ZSCAN21: variants seen among roughly 807,000 people sequenced by gnomAD.
ZSCAN21 encodes zinc finger and SCAN domain containing 21.
ZSCAN21 carries 26 observed loss-of-function variants against 35.6 expected under a neutral mutation model. The ratio of observed to expected loss-of-function variants is 0.73; its 90% CI spans 0.54 to 1.01. The LOEUF is 1.01. Among genes scored for constraint, ZSCAN21 ranks in the 50% least tolerant of loss-of-function variants. ZSCAN21 has a pLI of 0.00. For missense variants in ZSCAN21, 593 were observed against 587.1 expected, an observed-to-expected ratio of 1.01 and a Z score of -0.10; for synonymous variants, 219 against 219.3, an observed-to-expected ratio of 1.00 and a Z score of 0.01.
chr7:100,056,236 T>G (rs1473659374), intron 1 of ZSCAN21, among the ~76,000 whole-genome samples: 1 of 151,962 alleles, frequency 6.6e-6, no homozygotes, highest in Non-Finnish European at 1.5e-5. Flanking sequence ...CCACCATGCC[T>G]GGCCTTGACT....
At chr7:100,063,669 T>G in intron 3 of ZSCAN21, 119 bp from the exon 4 acceptor site, 1 of 881,494 alleles carries the variant, frequency 1.1e-6, no homozygotes, top group Non-Finnish European at 1.7e-6. Flanking sequence ...TATCATGAGC[T>G]CTGTTTAGTC....
chr7:100,057,363 C>T lies in ZSCAN21; in HGVS notation c.357C>T (p.Leu119=), dbSNP rs140034519. ...CPESAEEAVT[L]LEDLERELDE... ...AGAGCGCTGAAGAGGCTGTCACTCT[C>T]CTCGAAGATCTGGAGCGGGAACTGG... Residue 119 remains leucine, a synonymous_variant, in exon 2 of 4, where the codon CTC becomes CTT. Coordinates refer to ENST00000292450, the MANE Select transcript of ZSCAN21 (RefSeq NM_145914.3). The T allele has an allele frequency of 1.0e-5, 16 of 1,577,776 alleles. No individual in the cohort carries two copies. The African/African-American group carries it at 2.0e-4, about 20-fold the overall frequency.
intron 3 of ZSCAN21, among the ~76,000 whole-genome samples, chr7:100,062,736 G>A (rs1792382838): frequency 6.6e-6 from 1 of 151,866 alleles, no homozygotes; most frequent in African/African-American, 2.4e-5. Flanking sequence ...TTAGCTGGGC[G>A]TGGTGCCAGG....
intron 3 of ZSCAN21, among the ~76,000 whole-genome samples, chr7:100,059,622 G>A (rs931937419): frequency 6.7e-6 from 1 of 149,826 alleles, no homozygotes; most frequent in Non-Finnish European, 1.5e-5. Flanking sequence ...ATGCAATCTC[G>A]GCTCAGTGCA....
Position 100,064,574 on chromosome 7 carries a change from C to A in ZSCAN21, c.1379C>A (p.Ser460Tyr). Residue 460 changes from serine to tyrosine, a missense_variant, in exon 4 of 4, where the codon TCC becomes TAC. Physicochemically the swap from Ser to Tyr is moderately radical, Grantham distance 144. Coordinates refer to ENST00000292450, the MANE Select transcript of ZSCAN21 (RefSeq NM_145914.3). The stretch of plus-strand genomic sequence containing the variant: ...ACCTTCTGTAGCAAGTCCAATCTTT[C>A]CAAACATCAGCGAGTCCACACTGGA... The part of the protein sequence containing the change: ...GKTFCSKSNL[S>Y]KHQRVHTGEG... 1 of 1,614,224 alleles carries A rather than the reference C, an allele frequency of 6.2e-7. No homozygotes were observed. The highest frequency in any genetic ancestry group is 2.2e-5 in the East Asian group (1 of 44,894).
intron 3 of ZSCAN21, among the ~76,000 whole-genome samples, chr7:100,060,858 CAAAAAA>C (rs372983638): frequency 8.1e-5 from 6 of 74,456 alleles, no homozygotes; most frequent in Non-Finnish European, 1.3e-4. Flanking sequence ...AGGACTCCGT[CAAAAAA>C]AAAAAAAAAA....
At chr7:100,054,172 A>G (rs1479717272) in intron 1 of ZSCAN21, among the ~76,000 whole-genome samples, 10 of 151,996 alleles carry the variant, frequency 6.6e-5, no homozygotes. Flanking sequence ...CTCCTGTGGT[A>G]TGTACTGAGT....
intron 3 of ZSCAN21, among the ~76,000 whole-genome samples, chr7:100,062,821 C>A (rs1192513647): frequency 6.6e-6 from 1 of 152,096 alleles, no homozygotes; most frequent in Non-Finnish European, 1.5e-5. Context: ...CTGCGGTGAG[C>A]CAAGATGATA....
chr7:100,054,457 T>C (rs1230680481), intron 1 of ZSCAN21, among the ~76,000 whole-genome samples: 290 of 151,296 alleles, frequency 1.9e-3, no homozygotes, highest in Admixed American at 3.6e-3. Context: ...GCCATGTTGG[T>C]CAGGTTGGTC....
intron 3 of ZSCAN21, among the ~76,000 whole-genome samples, chr7:100,058,525 A>G (rs900147905): frequency 1.1e-4 from 17 of 152,254 alleles, no homozygotes; most frequent in Non-Finnish European, 2.2e-4. Flanking sequence ...AGGGCGGGTC[A>G]GAGAATGGAT....
At chr7:100,054,014 T>C (rs1791985810) in intron 1 of ZSCAN21, among the ~76,000 whole-genome samples, 1 of 151,796 alleles carries the variant, frequency 6.6e-6, no homozygotes, top group Non-Finnish European at 1.5e-5. Context: ...GGCCAGTCGT[T>C]TTAAATATTC....
chr7:100,062,345 C>A (rs1315986853), intron 3 of ZSCAN21, among the ~76,000 whole-genome samples: 7 of 145,638 alleles, frequency 4.8e-5, no homozygotes, highest in Non-Finnish European at 1.5e-5. Context: ...AATCCCAGCA[C>A]TTCGGGAGGC....
intron 1 of ZSCAN21, among the ~76,000 whole-genome samples, chr7:100,054,838 C>CA (rs375324113): frequency 0.38 from 23,633 of 62,514 alleles, 4,099 homozygotes; most frequent in Middle Eastern, 0.49. Flanking sequence ...GACGCTGTCT[C>CA]AAAAAAAAAA....
chr7:100,061,647 AGCT>A (rs1219183748), intron 3 of ZSCAN21, among the ~76,000 whole-genome samples: 1 of 152,234 alleles, frequency 6.6e-6, no homozygotes, highest in Admixed American at 6.5e-5. Flanking sequence ...GAAGGACTTC[AGCT>A]GCTGAAGCTC....
intron 1 of ZSCAN21, among the ~76,000 whole-genome samples, chr7:100,050,344 A>G (rs1279277752): frequency 6.6e-6 from 1 of 152,172 alleles, no homozygotes; most frequent in Non-Finnish European, 1.5e-5. Flanking sequence ...CACACACAGA[A>G]TAGGGATCTG....
rs753199436 is a variant in ZSCAN21 at position 100,057,099 on chromosome 7, A to G, written c.93A>G (p.Lys31=). ...CTCTGATGGTAAAAGTCGAGGAGAAAGAAGAGAAAGGCAAGTACCTTCCTA... is the reference window on the plus strand; with the variant it reads ...CTCTGATGGTAAAAGTCGAGGAGAAGGAAGAGAAAGGCAAGTACCTTCCTA... ...VGPLMVKVEE[K]EEKGKYLPSL... is the part of the protein sequence containing the mutation. Residue 31 remains lysine, a synonymous_variant, in exon 2 of 4, where the codon AAA becomes AAG. Transcript: ENST00000292450. 3 of 1,614,140 alleles carry G rather than the reference A, an allele frequency of 1.9e-6. No individual in the cohort carries two copies. The highest frequency in any genetic ancestry group is 1.7e-4 in the Middle Eastern group (1 of 6,050).
chr7:100,055,241 C>A (rs1276202784), intron 1 of ZSCAN21, among the ~76,000 whole-genome samples: 1 of 150,590 alleles, frequency 6.6e-6, no homozygotes, highest in Non-Finnish European at 1.5e-5. Context: ...CAGATGTGAG[C>A]CACTGCACCT....
At chr7:100,061,880 C>T (rs981531096) in intron 3 of ZSCAN21, among the ~76,000 whole-genome samples, 1 of 152,236 alleles carries the variant, frequency 6.6e-6, no homozygotes, top group Non-Finnish European at 1.5e-5. Flanking sequence ...GCGAATTTCT[C>T]TTACTCCCCT....
chr7:100,061,595 A>C (rs1562848620), intron 3 of ZSCAN21, among the ~76,000 whole-genome samples: 2 of 152,174 alleles, frequency 1.3e-5, no homozygotes, highest in Non-Finnish European at 2.9e-5. Flanking sequence ...ACTCGAAGAG[A>C]AGTCTGTGTG....
Sources: gnomAD v4.1 joint callset for allele counts (sites outside exome capture counted in the v4.1 genomes callset) on GRCh38, gnomAD v4.1.1 for gene constraint, MANE v1.5 for transcripts, NCBI Gene and HGNC (gene_info 2026-07-23, HGNC 2026-07-21) for gene names.